The following AGBL1 variants were observed in gnomAD, a reference collection of about 807,000 sequenced individuals.
The protein encoded by AGBL1 is AGBL carboxypeptidase 1, also known as cytosolic carboxypeptidase 4.
Under a neutral mutation model 118.9 loss-of-function variants are expected in AGBL1, and 130 were observed. The ratio of observed to expected loss-of-function variants is 1.09; its 90% confidence interval spans 0.95 to 1.26. The LOEUF (loss-of-function observed/expected upper bound fraction) is 1.26, where lower values mean the gene tolerates loss of function less well. Among genes scored for constraint, AGBL1 ranks in the 50% most tolerant of loss-of-function variants. The pLI, the probability that AGBL1 is intolerant of heterozygous loss-of-function variation, is 0.00. For synonymous variants in AGBL1, 555 were observed against 478.9 expected, an observed-to-expected ratio of 1.16 and a Z score of -2.08; for missense variants, 1,584 against 1,298.1, an observed-to-expected ratio of 1.22 and a Z score of -3.38.
intron 22 of AGBL1, among the ~76,000 whole-genome samples, chr15:86,858,882 C>T (rs1435989293): frequency 1.3e-5 from 2 of 152,152 alleles, no homozygotes; most frequent in East Asian, 1.9e-4. Context: ...GCCTTCTTCT[C>T]AGTTGTATTA....
rs145734159 is a variant in AGBL1 at position 86,095,877 on chromosome 15, C to T, written c.51+15854C>T. The stretch of plus-strand genomic sequence containing the variant: ...GCTTTGCTATTAATTGGCTATGTGA[C>T]CTTAGGCAAGCCATGTAACATTCTA... On this transcript the variant is annotated intron_variant, in intron 1 of 22. Coordinates refer to ENST00000614907, the MANE Select transcript of AGBL1 (RefSeq NM_001386094.1). 2.3e-3 allele frequency among the ~76,000 whole-genome samples: 355 copies of T among 151,864 alleles called. 5 individuals carry two copies. Among genetic ancestry groups the T allele is most frequent in the African/African-American group, 8.2e-3 (340 of 41,424 alleles).
intron 22 of AGBL1, among the ~76,000 whole-genome samples, chr15:86,891,064 T>C (rs2080045658): frequency 6.6e-6 from 1 of 152,164 alleles, no homozygotes; most frequent in Admixed American, 6.6e-5. Context: ...GTGTCCTTTC[T>C]GATTTCCTTG....
intron 5 of AGBL1, among the ~76,000 whole-genome samples, chr15:86,222,792 A>G (rs1374831545): frequency 6.6e-6 from 1 of 152,186 alleles, no homozygotes; most frequent in Non-Finnish European, 1.5e-5. Context: ...ATATTTATTT[A>G]GGTTAGCATA....
At chr15:86,124,931 A>G (rs1481530550) in intron 1 of AGBL1, among the ~76,000 whole-genome samples, 1 of 152,202 alleles carries the variant, frequency 6.6e-6, no homozygotes, top group East Asian at 1.9e-4. Flanking sequence ...AGAATGGTAG[A>G]CTTTATTTTG....
intron 21 of AGBL1, among the ~76,000 whole-genome samples, chr15:86,644,157 C>T (rs543567602): frequency 6.7e-6 from 1 of 149,990 alleles, no homozygotes; most frequent in South Asian, 2.1e-4. Flanking sequence ...ATTTTGACTA[C>T]TTTATTATAT....
chr15:86,957,161 C>T (rs368897525), intron 23 of AGBL1, among the ~76,000 whole-genome samples: 124 of 152,050 alleles, frequency 8.2e-4, no homozygotes, highest in Middle Eastern at 3.4e-3. Flanking sequence ...AATCTGAATT[C>T]AACACACTGA....
chr15:86,324,805 G>A (rs757717968), intron 17 of AGBL1, among the ~76,000 whole-genome samples: 7 of 152,206 alleles, frequency 4.6e-5, no homozygotes, highest in African/African-American at 7.2e-5. Context: ...CCAACCACAA[G>A]AGTTTGCCAT....
At chr15:86,779,323 C>A (rs1363016735) in intron 22 of AGBL1, among the ~76,000 whole-genome samples, 1 of 152,200 alleles carries the variant, frequency 6.6e-6, no homozygotes, top group Non-Finnish European at 1.5e-5. Context: ...CCCCAGAACT[C>A]TAACAAATAA....
At chr15:86,145,478 C>G (rs915186430) in intron 3 of AGBL1, among the ~76,000 whole-genome samples, 5 of 152,126 alleles carry the variant, frequency 3.3e-5, no homozygotes, top group Non-Finnish European at 7.4e-5. Context: ...TGTGCTGAGT[C>G]TTATATAGGT....
intron 6 of AGBL1, among the ~76,000 whole-genome samples, chr15:86,226,169 T>TA (rs941789353): frequency 4.6e-5 from 7 of 152,108 alleles, no homozygotes; most frequent in African/African-American, 2.4e-5. Context: ...GGAAAAGTGT[T>TA]ACTGTGGGTT....
At chr15:86,179,983 T>C (rs1466303622) in intron 5 of AGBL1, among the ~76,000 whole-genome samples, 2 of 152,090 alleles carry the variant, frequency 1.3e-5, no homozygotes, top group Non-Finnish European at 2.9e-5. Context: ...TAGGGATAAA[T>C]CTGCCAAAAG....
chr15:86,194,263 C>T (rs2077765905), intron 5 of AGBL1, among the ~76,000 whole-genome samples: 1 of 152,150 alleles, frequency 6.6e-6, no homozygotes, highest in African/African-American at 2.4e-5. Flanking sequence ...TATTCCACTC[C>T]CTTAATCATC....
intron 3 of AGBL1, among the ~76,000 whole-genome samples, chr15:86,144,335 A>G (rs1233747369): frequency 6.6e-6 from 1 of 152,236 alleles, no homozygotes; most frequent in African/African-American, 2.4e-5. Flanking sequence ...CCAAAGGAAT[A>G]GAAATAATTC....
intron 18 of AGBL1, among the ~76,000 whole-genome samples, chr15:86,486,801 T>G (rs933199840): frequency 6.6e-6 from 1 of 152,010 alleles, no homozygotes; most frequent in South Asian, 2.1e-4. Context: ...GACACTTGGG[T>G]CTCAGCTGTG....
intron 16 of AGBL1, among the ~76,000 whole-genome samples, chr15:86,290,497 T>TGC (rs2079527620): frequency 6.6e-6 from 1 of 151,206 alleles, no homozygotes; most frequent in Non-Finnish European, 1.5e-5. Context: ...ACCACAGGTG[T>TGC]GCACCACCAT....
At chr15:86,901,177 G>T (rs937734758) in intron 22 of AGBL1, among the ~76,000 whole-genome samples, 15 of 151,938 alleles carry the variant, frequency 9.9e-5, no homozygotes, top group Admixed American at 9.8e-4. Flanking sequence ...TTTTTATATG[G>T]CTTTCAAATA....
At chr15:86,929,495 A>G (rs932670815) in intron 23 of AGBL1, among the ~76,000 whole-genome samples, 1 of 152,202 alleles carries the variant, frequency 6.6e-6, no homozygotes, top group African/African-American at 2.4e-5. Flanking sequence ...AATTTTCACC[A>G]CCTTTGCCTA....
At chr15:86,826,968 G>A (rs1328267941) in intron 22 of AGBL1, among the ~76,000 whole-genome samples, 1 of 151,838 alleles carries the variant, frequency 6.6e-6, no homozygotes, top group Non-Finnish European at 1.5e-5. Context: ...GTAGAAGTTT[G>A]TAGCAATGTC....
Position 86,398,570 on chromosome 15 carries a change from T to C in AGBL1, c.2555+1024T>C, listed in dbSNP as rs144086234. ...TAAAATAGAGCAATATTAAAATTGT[T>C]AAATGAAAGAGACAAAATGAGAATT... On this transcript the variant is annotated intron_variant, in intron 18 of 22. Transcript: ENST00000614907. Among the ~76,000 whole-genome samples, 932 of 152,054 alleles carry C rather than the reference T, an allele frequency of 6.1e-3. 8 individuals are homozygous for C. The highest frequency in any genetic ancestry group is 0.022 in the African/African-American group (893 of 41,482).
Sources: allele counts gnomAD v4.1 joint callset (sites outside exome capture counted in the v4.1 genomes callset), GRCh38; gene constraint gnomAD v4.1.1; transcripts MANE v1.5; gene names NCBI Gene and HGNC (gene_info 2026-07-23, HGNC 2026-07-21).